CDIN1: variants seen among roughly 807,000 people sequenced by gnomAD.
CDIN1 encodes the protein CDAN1-interacting nuclease 1.
In CDIN1, 33 loss-of-function variants were observed where a neutral mutation model predicts 45.3. That is an observed-to-expected ratio of 0.73 (90% CI 0.55 to 0.97). The LOEUF is 0.97. CDIN1 is among the 50% of genes least tolerant of loss of function. CDIN1 has a pLI of 0.00. For missense variants in CDIN1, 303 were observed against 339.4 expected, an observed-to-expected ratio of 0.89 and a Z score of 0.84; for synonymous variants, 118 against 124.4, an observed-to-expected ratio of 0.95 and a Z score of 0.34.
At position 36,633,613 on chromosome 15, in the gene CDIN1, ATTC is replaced by A. The variant is rs375486056; in HGVS notation, c.102-10659_102-10657del. Among the ~76,000 whole-genome samples the A allele has an allele frequency of 4.7e-3, 720 of 152,250 alleles. 5 individuals are homozygous for A. The highest frequency in any genetic ancestry group is 0.017 in the African/African-American group (692 of 41,546). On this transcript the variant is annotated intron_variant, in intron 1 of 10. Transcript: ENST00000566621. ...CAGAATTTGTTAGCTATTCTTATGTATTCTTCTTGAATTTTAACATACATTTAT... is the reference window on the plus strand; with the variant it reads ...CAGAATTTGTTAGCTATTCTTATGTATTCTTGAATTTTAACATACATTTAT...
At position 36,703,913 on chromosome 15, in the gene CDIN1, A is replaced by G. The variant is rs1486151334; in HGVS notation, c.545-5310A>G. 2.6e-5 allele frequency among the ~76,000 whole-genome samples: 4 copies of G among 152,240 alleles called. No individual in the cohort carries two copies. The East Asian group carries it at 7.7e-4, about 29-fold the overall frequency. Reference sequence around the variant, plus strand: ...TCTTTCCTCTGAATCTTGGAATTGGAAAGGGCTCTAGTGACTGTCCAATCC... The same window carrying G: ...TCTTTCCTCTGAATCTTGGAATTGGGAAGGGCTCTAGTGACTGTCCAATCC... On this transcript the variant is annotated intron_variant, in intron 8 of 10. Coordinates refer to ENST00000566621, the MANE Select transcript of CDIN1 (RefSeq NM_001321759.2).
rs116693987 is a variant in CDIN1 at position 36,584,465 on chromosome 15, A to G, written c.101+4504A>G. ...AACAAAAAACAAAAAGCAAACAATA[A>G]CAAATGTGGTGAGCTTGCTGAGCAC... On this transcript the variant is annotated intron_variant, in intron 1 of 10. Coordinates refer to ENST00000566621, the MANE Select transcript of CDIN1 (RefSeq NM_001321759.2). 2.9e-3 allele frequency among the ~76,000 whole-genome samples: 436 copies of G among 152,230 alleles called. 2 individuals carry two copies. Among genetic ancestry groups the G allele is most frequent in the African/African-American group, 0.01 (416 of 41,538 alleles).
chr15:36,724,372 C>T (rs1457216713), intron 10 of CDIN1, among the ~76,000 whole-genome samples: 1 of 152,108 alleles, frequency 6.6e-6, no homozygotes, highest in African/African-American at 2.4e-5. Flanking sequence ...TCAAGTAATG[C>T]CGACATTCAA....
chr15:36,754,066 G>A (rs2053543891), intron 10 of CDIN1, among the ~76,000 whole-genome samples: 1 of 152,124 alleles, frequency 6.6e-6, no homozygotes, highest in South Asian at 2.1e-4. Context: ...ATAAAACTTG[G>A]CAGAATATCC....
intron 1 of CDIN1, chr15:36,619,197 TAGGGCTATACCTC>T: frequency 1.5e-6 from 2 of 1,308,808 alleles, no homozygotes; most frequent in Non-Finnish European, 2.1e-6. Flanking sequence ...AGTTTAGTCG[TAGGGCTATACCTC>T]AGGGAGTGAC....
rs534602780 is a variant in CDIN1 at position 36,795,631 on chromosome 15, C to T, written c.717-12693C>T. Among the ~76,000 whole-genome samples, 11 of 152,104 alleles carry T rather than the reference C, an allele frequency of 7.2e-5. No homozygotes were observed. In the South Asian group the frequency reaches 2.3e-3, roughly 32 times the overall value. ...CACTGACATCACCAGGATTTTCTGT[C>T]TAGTCTCTTTTAAAGTAGAGTTTCT... On this transcript the variant is annotated intron_variant, in intron 10 of 10. Transcript: ENST00000566621.
At position 36,729,495 on chromosome 15, in the gene CDIN1, G is replaced by C. The variant is rs538595715; in HGVS notation, c.716+19534G>C. Among the ~76,000 whole-genome samples the C allele has an allele frequency of 3.1e-4, 47 of 152,134 alleles. No individual in the cohort carries two copies. In the South Asian group the frequency reaches 9.8e-3, roughly 32 times the overall value. On this transcript the variant is annotated intron_variant, in intron 10 of 10. Transcript: ENST00000566621. The stretch of plus-strand genomic sequence containing the variant: ...GATTAGCATGGCCTCATCCATCACT[G>C]GTCTTTGATATGAACACCAAGAAGT...
chr15:36,579,795 C>A lies in CDIN1; in HGVS notation c.-66C>A. 1.5e-6 allele frequency: 2 copies of A among 1,356,380 alleles called. No homozygotes were observed. Among genetic ancestry groups the A allele is most frequent in the Non-Finnish European group, 2.0e-6 (2 of 977,062 alleles). 84.0% of individuals were successfully genotyped at this position (1,356,380 alleles called of 1,614,324 possible). ...TTTGCCTACCCCTCATCCCTCGGCA[C>A]CAAGGCTACTTGAGCCCCAGGGTGT... On this transcript the variant is annotated 5_prime_UTR_variant, in exon 1 of 11. Coordinates refer to ENST00000566621, the MANE Select transcript of CDIN1 (RefSeq NM_001321759.2).
intron 1 of CDIN1, among the ~76,000 whole-genome samples, chr15:36,632,086 C>T (rs1372296126): frequency 1.3e-5 from 2 of 152,198 alleles, no homozygotes; most frequent in Non-Finnish European, 1.5e-5. Flanking sequence ...TCTCCTGCCT[C>T]AGCCTCCCAG....
rs369064357 is a variant in CDIN1 at position 36,681,808 on chromosome 15, G to A, written c.347-9877G>A. Among the ~76,000 whole-genome samples, 66 of 152,210 alleles carry A rather than the reference G, an allele frequency of 4.3e-4. No individual in the cohort carries two copies. The South Asian group carries it at 0.013, about 30-fold the overall frequency. On this transcript the variant is annotated intron_variant, in intron 5 of 10. Transcript: ENST00000566621. The stretch of plus-strand genomic sequence containing the variant: ...TACTATGTTTTATTATTATTCAAGA[G>A]TGAGAACTAAGTACAGATATTTTTA...
intron 10 of CDIN1, among the ~76,000 whole-genome samples, chr15:36,797,386 T>A (rs1251392848): frequency 6.6e-6 from 1 of 152,186 alleles, no homozygotes; most frequent in East Asian, 1.9e-4. Flanking sequence ...CTAAACTGAT[T>A]GTATTTAAAG....
At chr15:36,748,563 A>G (rs867698312) in intron 10 of CDIN1, among the ~76,000 whole-genome samples, 2 of 151,990 alleles carry the variant, frequency 1.3e-5, no homozygotes, top group African/African-American at 2.4e-5. Context: ...TTGGAACCAC[A>G]TAGTGAATTC....
At chr15:36,685,002 C>G (rs965883567) in intron 5 of CDIN1, among the ~76,000 whole-genome samples, 20 of 152,068 alleles carry the variant, frequency 1.3e-4, no homozygotes, top group African/African-American at 4.3e-4. Context: ...AGCGGTCTAT[C>G]TATTTTGTGG....
intron 10 of CDIN1, among the ~76,000 whole-genome samples, chr15:36,731,618 C>G (rs1344064788): frequency 1.3e-5 from 2 of 152,008 alleles, no homozygotes; most frequent in African/African-American, 4.8e-5. Context: ...TTTTCTAATC[C>G]TCTGAATATT....
At chr15:36,685,801 A>G (rs1293608614) in intron 5 of CDIN1, among the ~76,000 whole-genome samples, 2 of 152,268 alleles carry the variant, frequency 1.3e-5, no homozygotes, top group Non-Finnish European at 2.9e-5. Flanking sequence ...CAACAGACAC[A>G]TGAAAAAATG....
chr15:36,664,734 G>A lies in CDIN1; in HGVS notation c.346+6829G>A, dbSNP rs1595441914. Among the ~76,000 whole-genome samples, 4 of 152,220 alleles carry A rather than the reference G, an allele frequency of 2.6e-5. No individual in the cohort carries two copies. The South Asian group carries it at 8.3e-4, about 32-fold the overall frequency. On this transcript the variant is annotated intron_variant, in intron 5 of 10. Transcript: ENST00000566621. ...GCTAATTTTTTGTGTTTTTAATAGA[G>A]ACGGGGTTTCACCATGTTAGCCAGG... is the stretch of plus-strand genomic sequence containing the variant.
At chr15:36,668,079 C>T (rs891358145) in intron 5 of CDIN1, 1 of 152,102 alleles carries the variant, frequency 6.6e-6, no homozygotes, top group African/African-American at 2.4e-5. Flanking sequence ...ACTAAGCCAC[C>T]TAATCTCCAA....
intron 5 of CDIN1, among the ~76,000 whole-genome samples, chr15:36,674,301 C>T (rs2041562663): frequency 6.6e-6 from 1 of 152,116 alleles, no homozygotes; most frequent in Admixed American, 6.6e-5. Flanking sequence ...GTCTCCATTT[C>T]CAGCAGGTCA....
chr15:36,697,510 T>C, intron 8 of CDIN1, 120 bp downstream of exon 8: 1 of 824,388 alleles, frequency 1.2e-6, no homozygotes. Context: ...ATATTATCTT[T>C]TATTGATTTG....
Sources: allele counts gnomAD v4.1 joint callset (sites outside exome capture counted in the v4.1 genomes callset), GRCh38; gene constraint gnomAD v4.1.1; transcripts MANE v1.5; gene names NCBI Gene and HGNC (gene_info 2026-07-23, HGNC 2026-07-21).